The following KDM1B variants were observed in gnomAD, a reference collection of about 807,000 sequenced individuals.
The protein encoded by KDM1B is lysine demethylase 1B.
In KDM1B, 63 loss-of-function variants were observed where a neutral mutation model predicts 107.4. The ratio of observed to expected loss-of-function variants is 0.59; its 90% CI spans 0.48 to 0.72. The LOEUF is 0.72. KDM1B is among the 30% of genes least tolerant of loss of function. The probability of loss-of-function intolerance (pLI) is 0.00; values close to 1 mark genes in which losing one functional copy is unlikely to be tolerated. For synonymous variants in KDM1B, 363 were observed against 363.9 expected, an observed-to-expected ratio of 1.00 and a Z score of 0.03; for missense variants, 749 against 1,020.8, an observed-to-expected ratio of 0.73 and a Z score of 3.63.
intron 10 of KDM1B, among the ~76,000 whole-genome samples, chr6:18,192,044 A>G (rs1787313228): frequency 6.6e-6 from 1 of 151,798 alleles, no homozygotes; most frequent in South Asian, 2.1e-4. Flanking sequence ...GGATCGCTTG[A>G]GCCTAGGAGT....
chr6:18,210,342 C>CTTTTTTTTTTTTTTTTTTTTTTTTTTT lies in KDM1B; in HGVS notation c.1866+2140_1867-2116dup, dbSNP rs533016543. 1.0e-3 allele frequency among the ~76,000 whole-genome samples: 73 copies of CTTTTTTTTTTTTTTTTTTTTTTTTTTT among 69,998 alleles called. 9 individuals carry two copies. The highest frequency in any genetic ancestry group is 1.3e-3 in the African/African-American group (24 of 18,996). The allele number at this position is 69,998 out of a possible 152,430, so 45.9% of individuals were successfully genotyped here. On this transcript the variant is annotated intron_variant, in intron 17 of 21. Coordinates refer to ENST00000650836, the MANE Select transcript of KDM1B (RefSeq NM_001364614.2). ...TCTTTCTTTTTTTTCTCTTTCTTTT[C>CTTTTTTTTTTTTTTTTTTTTTTTTTTT]TTTTTTTTTTTTTTTTTTTTTTTTT...
rs1316961184 is a variant in KDM1B at position 18,197,092 on chromosome 6, C to T, written c.1005C>T (p.Ile335=). The part of the protein sequence containing the change: ...ALTPQKCIPH[I]IVRGLVRIRC... ...CTCCTCAGAAATGTATTCCTCACAT[C>T]ATCGTCCGGGGTCTCGTGCGTATTC... is the stretch of plus-strand genomic sequence containing the variant. The change falls in exon 11 of 22, where the codon ATC becomes ATT. Residue 335 remains isoleucine, a synonymous_variant. Transcript: ENST00000650836. The surrounding 1 kb of genome is among the most constrained non-coding windows in gnomAD (Gnocchi z 4.5). The T allele has an allele frequency of 6.2e-7, 1 of 1,613,984 alleles. No homozygotes were observed. The highest frequency in any genetic ancestry group is 8.5e-7 in the Non-Finnish European group (1 of 1,179,894).
At chr6:18,166,227 C>A (rs374925852) in intron 5 of KDM1B, 40 bp from the exon 6 acceptor site, 3 of 944,160 alleles carry the variant, frequency 3.2e-6, no homozygotes, top group South Asian at 1.3e-5. Context: ...TTATAGCAAT[C>A]GATATATTAA....
intron 2 of KDM1B, among the ~76,000 whole-genome samples, chr6:18,157,827 T>TTA (rs1200747143): frequency 6.8e-6 from 1 of 146,452 alleles, no homozygotes; most frequent in African/African-American, 2.6e-5. Context: ...TTTTTTTTTT[T>TTA]TTTGAGATGG....
chr6:18,194,264 C>T (rs545091136), intron 10 of KDM1B, among the ~76,000 whole-genome samples: 1 of 152,314 alleles, frequency 6.6e-6, no homozygotes, highest in South Asian at 2.1e-4. Flanking sequence ...ATCCACCCGC[C>T]TTGGCCTCCA....
At chr6:18,158,123 C>G (rs1784748459) in intron 2 of KDM1B, among the ~76,000 whole-genome samples, 1 of 151,974 alleles carries the variant, frequency 6.6e-6, no homozygotes, top group African/African-American at 2.4e-5. Context: ...GTGGATAGTA[C>G]TTTGAACATC....
In KDM1B at chr6:18,197,667, A is replaced by T. The variant is rs1057179421; in HGVS notation, c.1221+6A>T. ...TGCATAACTTTGGAATTAAGGTAGGATTTTGGGGACATGGAGTTAGAACAG... is the reference window on the plus strand; with the variant it reads ...TGCATAACTTTGGAATTAAGGTAGGTTTTTGGGGACATGGAGTTAGAACAG... On this transcript the variant is annotated splice_donor_region_variant and intron_variant, in intron 12 of 21. Transcript: ENST00000650836. This position sits in a 1 kb window ranked among gnomAD's most constrained non-coding sequence, Gnocchi z 4.5. 27 of 1,612,294 alleles carry T rather than the reference A, an allele frequency of 1.7e-5. No individual in the cohort carries two copies. Among genetic ancestry groups the T allele is most frequent in the Non-Finnish European group, 2.3e-5 (27 of 1,178,462 alleles).
chr6:18,184,499 T>G (rs1046264848), intron 7 of KDM1B, among the ~76,000 whole-genome samples: 2 of 151,844 alleles, frequency 1.3e-5, no homozygotes, highest in Admixed American at 6.6e-5. Context: ...GGTCTCGAAC[T>G]CCTGACCTTA....
At chr6:18,190,170 T>C (rs1291716648) in intron 9 of KDM1B, among the ~76,000 whole-genome samples, 3 of 151,498 alleles carry the variant, frequency 2.0e-5, no homozygotes, top group Non-Finnish European at 2.9e-5. Context: ...AAAAGTTATT[T>C]TAAAAACGTA....
chr6:18,203,768 A>G lies in KDM1B; in HGVS notation c.1532-1769A>G, dbSNP rs1395328889. On this transcript the variant is annotated intron_variant, in intron 14 of 21. Transcript: ENST00000650836. The surrounding 1 kb of genome is among the most constrained non-coding windows in gnomAD (Gnocchi z 5.5). ...TTTGGGATGCTGAGGCAGGAGAATC[A>G]CTTGAACCTGGGAGGCAGAGGTTGC... Among the ~76,000 whole-genome samples, 1 of 150,982 alleles carries G rather than the reference A, an allele frequency of 6.6e-6. No individual in the cohort carries two copies. The highest frequency in any genetic ancestry group is 1.5e-5 in the Non-Finnish European group (1 of 67,902).
intron 9 of KDM1B, among the ~76,000 whole-genome samples, chr6:18,188,635 A>T (rs1787050611): frequency 6.6e-6 from 1 of 152,022 alleles, no homozygotes; most frequent in South Asian, 2.1e-4. Context: ...ATTTTTTGAG[A>T]TGGAGTCTCA....
chr6:18,164,214 A>T (rs1582082204), intron 5 of KDM1B, among the ~76,000 whole-genome samples: 1 of 151,602 alleles, frequency 6.6e-6, no homozygotes, highest in Non-Finnish European at 1.5e-5. Flanking sequence ...TGTAACTTCC[A>T]CCTCCTGAGT....
At chr6:18,185,693 TATCTTATTG>T (rs1786811372) in intron 7 of KDM1B, 70 bp from the exon 8 acceptor site, 1 of 1,214,656 alleles carries the variant, frequency 8.2e-7, no homozygotes, top group Non-Finnish European at 1.2e-6. Context: ...TGAAAAGAGA[TATCTTATTG>T]AAGATAAATG....
At position 18,162,605 on chromosome 6, in the gene KDM1B, C is replaced by T. The variant is rs1248625694; in HGVS notation, c.216-230C>T. 1.3e-5 allele frequency among the ~76,000 whole-genome samples: 2 copies of T among 152,162 alleles called. No homozygotes were observed. The highest frequency in any genetic ancestry group is 4.8e-5 in the African/African-American group (2 of 41,446). ...ATTGCCCCAAGGAGTCTTCTTAAGA[C>T]TGCTAAGCCCCAGGCAGCCAGCTAG... On this transcript the variant is annotated intron_variant, in intron 4 of 21. Coordinates refer to ENST00000650836, the MANE Select transcript of KDM1B (RefSeq NM_001364614.2). The surrounding 1 kb of genome is among the most constrained non-coding windows in gnomAD (Gnocchi z 4.1).
chr6:18,220,692 A>G (rs113035178), intron 21 of KDM1B, among the ~76,000 whole-genome samples: 4,801 of 152,182 alleles, frequency 0.032, 257 homozygotes, highest in African/African-American at 0.11. Context: ...GTTTCAGGCT[A>G]CTGTGCCTTA....
In KDM1B at chr6:18,222,466, T is replaced by C; in HGVS notation, c.*474T>C. The C allele has an allele frequency of 4.6e-6, 1 of 216,930 alleles. No individual in the cohort carries two copies. The highest frequency in any genetic ancestry group is 9.4e-6 in the Non-Finnish European group (1 of 106,158). 13.4% of individuals were successfully genotyped at this position (216,930 alleles called of 1,614,324 possible). Reference sequence around the variant, plus strand: ...CCTTAATTTTTATATAGGTCCAATATTGAGCTTTTACTTAAAATTTAGATA... The same window carrying C: ...CCTTAATTTTTATATAGGTCCAATACTGAGCTTTTACTTAAAATTTAGATA... On this transcript the variant is annotated 3_prime_UTR_variant, in exon 22 of 22. Transcript: ENST00000650836.
rs902477459 is a variant in KDM1B at position 18,186,016 on chromosome 6, T to C, written c.573+206T>C. Among the ~76,000 whole-genome samples the C allele has an allele frequency of 6.6e-6, 1 of 152,170 alleles. No individual in the cohort carries two copies. Among genetic ancestry groups the C allele is most frequent in the Non-Finnish European group, 1.5e-5 (1 of 68,036 alleles). On this transcript the variant is annotated intron_variant, in intron 8 of 21. Transcript: ENST00000650836. This position sits in a 1 kb window ranked among gnomAD's most constrained non-coding sequence, Gnocchi z 5.6. Reference sequence around the variant, plus strand: ...CTGTCCCCAACTTAAAAAATAAAAATAAAGTTATGTTGCTTTTCATTAAAA... The same window carrying C: ...CTGTCCCCAACTTAAAAAATAAAAACAAAGTTATGTTGCTTTTCATTAAAA...
rs1238194431 is a variant in KDM1B, at chr6:18,162,484, G to A, written c.216-351G>A. On this transcript the variant is annotated intron_variant, in intron 4 of 21. Coordinates refer to ENST00000650836, the MANE Select transcript of KDM1B (RefSeq NM_001364614.2). The surrounding 1 kb of genome is among the most constrained non-coding windows in gnomAD (Gnocchi z 4.1). ...TTTCAGCTGACCAGATTCCCTCGCT[G>A]TTCAGTACTGGGCCCCACGTTATTC... Among the ~76,000 whole-genome samples the A allele has an allele frequency of 5.9e-5, 9 of 152,124 alleles. No individual in the cohort carries two copies. Among genetic ancestry groups the A allele is most frequent in the Non-Finnish European group, 1.0e-4 (7 of 68,030 alleles).
At position 18,209,642 on chromosome 6, in the gene KDM1B, G is replaced by T. The variant is rs191046265; in HGVS notation, c.1866+1436G>T. Among the ~76,000 whole-genome samples, 1 of 152,164 alleles carries T rather than the reference G, an allele frequency of 6.6e-6. No homozygotes were observed. The highest frequency in any genetic ancestry group is 1.5e-5 in the Non-Finnish European group (1 of 68,036). ...TTTTTCAGAGACAGGGTCTCAGTCT[G>T]TCGCCCAGGCTGGAGTGCAGTGGCA... On this transcript the variant is annotated intron_variant, in intron 17 of 21. Transcript: ENST00000650836. This position sits in a 1 kb window ranked among gnomAD's most constrained non-coding sequence, Gnocchi z 4.3.
Sources: allele counts gnomAD v4.1 joint callset (sites outside exome capture counted in the v4.1 genomes callset), GRCh38; gene constraint gnomAD v4.1.1; non-coding constraint Gnocchi (gnomAD v3.1); transcripts MANE v1.5; gene names NCBI Gene and HGNC (gene_info 2026-07-23, HGNC 2026-07-21).